The following CRACD variants were observed in gnomAD, a reference collection of about 807,000 sequenced individuals.
CRACD encodes capping protein-inhibiting regulator of actin dynamics.
Under a neutral mutation model 106.8 loss-of-function variants are expected in CRACD, and 56 were observed. The observed-to-expected ratio is 0.52, with a 90% confidence interval of 0.42 to 0.66. CRACD has a LOEUF of 0.66. Ranked by LOEUF, CRACD falls within the 30% of genes least tolerant of loss-of-function variation. The pLI, the probability that CRACD is intolerant of heterozygous loss-of-function variation, is 0.00. For synonymous variants in CRACD, 754 were observed against 670.8 expected (o/e 1.12, Z -1.92); for missense variants, 1,730 against 1,623.2 (o/e 1.07, Z -1.13).
chr4:56,208,406 C>T (rs1174569719), intron 2 of CRACD, among the ~76,000 whole-genome samples: 4 of 152,070 alleles, frequency 2.6e-5, no homozygotes, highest in Non-Finnish European at 5.9e-5. Context: ...AGTCAGTGGA[C>T]CATAAAAAGC....
chr4:56,305,116 G>A (rs2109740160), intron 4 of CRACD, among the ~76,000 whole-genome samples: 2 of 152,192 alleles, frequency 1.3e-5, no homozygotes, highest in Admixed American at 1.3e-4. Flanking sequence ...AGCTACTTGG[G>A]AGGCTAAGGC....
intron 2 of CRACD, among the ~76,000 whole-genome samples, chr4:56,230,232 G>C (rs1211224969): frequency 6.6e-6 from 1 of 152,078 alleles, no homozygotes; most frequent in African/African-American, 2.4e-5. Flanking sequence ...ATTGGTTTTG[G>C]GGTACGTCCT....
intron 1 of CRACD, among the ~76,000 whole-genome samples, chr4:56,110,603 A>AT (rs915230378): frequency 3.4e-4 from 50 of 148,386 alleles, no homozygotes; most frequent in Middle Eastern, 3.5e-3. Context: ...TCAGTACAAG[A>AT]TTTTTTTTTT....
intron 2 of CRACD, among the ~76,000 whole-genome samples, chr4:56,191,667 TGC>T (rs1415009578): frequency 6.6e-6 from 1 of 152,220 alleles, no homozygotes; most frequent in Non-Finnish European, 1.5e-5. Flanking sequence ...ACATGTGTTC[TGC>T]GGCAGCACTG....
intron 3 of CRACD, among the ~76,000 whole-genome samples, chr4:56,294,422 A>G (rs889795660): frequency 6.6e-6 from 1 of 152,210 alleles, no homozygotes; most frequent in African/African-American, 2.4e-5. Flanking sequence ...ACCTATCAAA[A>G]TATGTACAAG....
intron 2 of CRACD, among the ~76,000 whole-genome samples, chr4:56,182,317 C>G (rs377635895): frequency 7.7e-4 from 117 of 151,788 alleles, no homozygotes; most frequent in South Asian, 3.3e-3. Context: ...CTGCAGTGAG[C>G]TGAGATTTTA....
intron 1 of CRACD, among the ~76,000 whole-genome samples, chr4:56,082,267 A>C (rs955900902): frequency 2.6e-5 from 4 of 152,224 alleles, no homozygotes; most frequent in African/African-American, 9.6e-5. Flanking sequence ...CCAGGGCCAA[A>C]AGCAGGAAGG....
At chr4:56,247,843 C>A (rs1740774267) in intron 2 of CRACD, among the ~76,000 whole-genome samples, 1 of 108,768 alleles carries the variant, frequency 9.2e-6, no homozygotes, top group African/African-American at 3.0e-5. Context: ...GAGACTCCAT[C>A]TTACAGAAAA....
chr4:56,303,866 C>A (rs920660837), intron 4 of CRACD, among the ~76,000 whole-genome samples: 3 of 152,200 alleles, frequency 2.0e-5, no homozygotes, highest in African/African-American at 4.8e-5. Context: ...AACTGTAGCC[C>A]TCCTCTTCGT....
At chr4:56,244,767 G>C (rs1740588013) in intron 2 of CRACD, among the ~76,000 whole-genome samples, 1 of 152,336 alleles carries the variant, frequency 6.6e-6, no homozygotes, top group Admixed American at 6.5e-5. Flanking sequence ...CCCTGTGGCT[G>C]TCCTGTCTGC....
chr4:56,212,203 A>G (rs2109493372), intron 2 of CRACD, among the ~76,000 whole-genome samples: 1 of 152,320 alleles, frequency 6.6e-6, no homozygotes, highest in South Asian at 2.1e-4. Flanking sequence ...TAGTATGCCA[A>G]AAGACATTCC....
chr4:56,138,385 ACTTGGGAGG>A (rs1201335069), intron 1 of CRACD, among the ~76,000 whole-genome samples: 1 of 152,024 alleles, frequency 6.6e-6, no homozygotes, highest in African/African-American at 2.4e-5. Flanking sequence ...AACTGCTTGA[ACTTGGGAGG>A]CGGAAGTTGC....
chr4:56,142,534 T>G (rs1210458386), intron 1 of CRACD, among the ~76,000 whole-genome samples: 1 of 152,236 alleles, frequency 6.6e-6, no homozygotes, highest in Non-Finnish European at 1.5e-5. Context: ...CTAGGTGTTA[T>G]AGGCTATGTG....
intron 2 of CRACD, among the ~76,000 whole-genome samples, chr4:56,223,160 T>C (rs1739137228): frequency 6.6e-6 from 1 of 151,858 alleles, no homozygotes; most frequent in South Asian, 2.1e-4. Flanking sequence ...ACTAAGGCAG[T>C]GTGGCTTTAA....
intron 5 of CRACD, among the ~76,000 whole-genome samples, chr4:56,308,595 C>T (rs1454659170): frequency 6.6e-6 from 1 of 152,144 alleles, no homozygotes; most frequent in Non-Finnish European, 1.5e-5. Context: ...GCATTATCAA[C>T]TGATGTGTCA....
intron 1 of CRACD, among the ~76,000 whole-genome samples, chr4:56,106,473 T>C (rs1482802420): frequency 6.6e-6 from 1 of 152,210 alleles, no homozygotes; most frequent in African/African-American, 2.4e-5. Flanking sequence ...TGGCCTTCTG[T>C]CACTGTCAAT....
At chr4:56,303,730 C>G (rs879397775) in intron 4 of CRACD, among the ~76,000 whole-genome samples, 7 of 152,190 alleles carry the variant, frequency 4.6e-5, no homozygotes, top group African/African-American at 1.4e-4. Context: ...TTGGCCTTGG[C>G]CTTGGGTACC....
intron 4 of CRACD, among the ~76,000 whole-genome samples, chr4:56,299,668 C>CAAAA (rs745452206): frequency 7.7e-6 from 1 of 130,476 alleles, no homozygotes; most frequent in South Asian, 2.5e-4. Context: ...AGAGCTTGTC[C>CAAAA]AAAAAAAAAA....
At chr4:56,105,046 A>G (rs13118922) in intron 1 of CRACD, among the ~76,000 whole-genome samples, 22,348 of 151,936 alleles carry the variant, frequency 0.15, 1,708 homozygotes, top group East Asian at 0.25. Context: ...TAAAATAGAA[A>G]ATACTTGCCT....
Sources: gnomAD v4.1 joint callset for allele counts (sites outside exome capture counted in the v4.1 genomes callset) on GRCh38, gnomAD v4.1.1 for gene constraint, MANE v1.5 for transcripts, NCBI Gene and HGNC (gene_info 2026-07-23, HGNC 2026-07-21) for gene names.